Variants in SEC14L1 observed in about 807,000 individuals in gnomAD.
SEC14L1 encodes the protein SEC14-like protein 1.
A neutral mutation model predicts 85.3 loss-of-function variants in SEC14L1; 48 were observed. The ratio of observed to expected loss-of-function variants is 0.56; its 90% confidence interval spans 0.45 to 0.72. The LOEUF (loss-of-function observed/expected upper bound fraction) is 0.72, where lower values mean the gene tolerates loss of function less well. Ranked by LOEUF, SEC14L1 falls within the 30% of genes least tolerant of loss-of-function variation. SEC14L1 has a pLI of 0.00. For missense variants in SEC14L1, 682 were observed against 921.4 expected (o/e 0.74, Z 3.36); for synonymous variants, 391 against 355.5 (o/e 1.10, Z -1.12).
At chr17:77,149,092 C>T (rs187289084) in intron 3 of SEC14L1, among the ~76,000 whole-genome samples, 64 of 152,288 alleles carry the variant, frequency 4.2e-4, no homozygotes, top group Admixed American at 1.6e-3. Flanking sequence ...TCCTTCCACA[C>T]GTCCCCGATG....
chr17:77,092,951 CAAAAAAAAAAAA>C (rs35244244), intron 2 of SEC14L1, among the ~76,000 whole-genome samples: 2 of 84,448 alleles, frequency 2.4e-5, no homozygotes, highest in African/African-American at 4.6e-5. Flanking sequence ...AACTCCGTCT[CAAAAAAAAAAAA>C]AAAAAAAAAA....
intron 3 of SEC14L1, among the ~76,000 whole-genome samples, chr17:77,159,155 C>T (rs1217216868): frequency 3.2e-3 from 16 of 4,948 alleles, no homozygotes; most frequent in African/African-American, 6.1e-3. Flanking sequence ...CAGCCTCCAC[C>T]TCCTGGGTCA....
At position 77,215,340 on chromosome 17, in the gene SEC14L1, G is replaced by A. The variant is rs1399843401; in HGVS notation, c.*1317G>A. 2 of 985,272 alleles carry A rather than the reference G, an allele frequency of 2.0e-6. No individual in the cohort carries two copies. The highest frequency in any genetic ancestry group is 2.4e-6 in the Non-Finnish European group (2 of 829,940). 61.0% of individuals were successfully genotyped at this position (985,272 alleles called of 1,614,324 possible). A position where few individuals can be genotyped will look rare whatever the true frequency, so the allele number is the denominator to read the frequency against. On this transcript the variant is annotated 3_prime_UTR_variant, in exon 17 of 17. Coordinates refer to ENST00000436233, the MANE Select transcript of SEC14L1 (RefSeq NM_001143998.2). Reference sequence around the variant, plus strand: ...CATAGGGGATGGCCTCCACGATAAGGACATGCAACACGTGTTTCTGTGTGC... The same window carrying A: ...CATAGGGGATGGCCTCCACGATAAGAACATGCAACACGTGTTTCTGTGTGC...
intron 4 of SEC14L1, 81 bp downstream of exon 4, chr17:77,191,033 G>A: frequency 6.4e-7 from 1 of 1,570,084 alleles, no homozygotes; most frequent in Non-Finnish European, 8.7e-7. Context: ...GCGTCCTGGA[G>A]GGAGAGGGCA....
At position 77,190,937 on chromosome 17, in the gene SEC14L1, C is replaced by T. The variant is rs1049419; in HGVS notation, c.198C>T (p.Pro66=). Residue 66 remains proline, a synonymous_variant, in exon 4 of 17, where the codon CCC becomes CCT. Transcript: ENST00000436233. ...GCTGCAAGCTGGATGTAGATGCACC[C>T]AGACTGCTGAAGAAGGTAAAGGTCG... ...ERRCKLDVDA[P]RLLKKIAGVD... The T allele has an allele frequency of 1.9e-6, 3 of 1,613,990 alleles. No individual in the cohort carries two copies. Among genetic ancestry groups the T allele is most frequent in the Non-Finnish European group, 2.5e-6 (3 of 1,180,040 alleles).
intron 3 of SEC14L1, among the ~76,000 whole-genome samples, chr17:77,113,341 A>G (rs535081368): frequency 6.6e-6 from 1 of 152,304 alleles, no homozygotes; most frequent in Non-Finnish European, 1.5e-5. Context: ...ACCTTGGCCC[A>G]CAGAACCTCA....
chr17:77,208,789 A>G (rs970087630), intron 13 of SEC14L1, among the ~76,000 whole-genome samples: 6 of 152,244 alleles, frequency 3.9e-5, no homozygotes, highest in Admixed American at 3.9e-4. Context: ...CATTGTGTCA[A>G]GGTCAATTAG....
intron 3 of SEC14L1, among the ~76,000 whole-genome samples, chr17:77,133,340 G>A (rs1439333554): frequency 1.3e-5 from 2 of 152,200 alleles, no homozygotes; most frequent in African/African-American, 4.8e-5. Context: ...TAATCCTGCC[G>A]GGGGCGGGAA....
chr17:77,147,966 A>C (rs906407448), intron 3 of SEC14L1, among the ~76,000 whole-genome samples: 1 of 152,196 alleles, frequency 6.6e-6, no homozygotes, highest in African/African-American at 2.4e-5. Context: ...ATTGTGCCTT[A>C]AAGGGTTTAA....
intron 3 of SEC14L1, among the ~76,000 whole-genome samples, chr17:77,129,383 T>C (rs548157656): frequency 1.8e-4 from 27 of 152,248 alleles, no homozygotes; most frequent in Non-Finnish European, 3.4e-4. Context: ...CCTGCCAACG[T>C]GGGGAAGGGT....
upstream of SEC14L1, among the ~76,000 whole-genome samples, chr17:77,136,568 C>T (rs1305488059): frequency 6.6e-6 from 1 of 152,216 alleles, no homozygotes; most frequent in African/African-American, 2.4e-5. Flanking sequence ...ATTTCCCAGC[C>T]TTCTTTGCTC....
rs775144695 is a variant in SEC14L1 at position 77,206,815 on chromosome 17, T to C, written c.1429T>C (p.Tyr477His). ...DYQGPGGLLDYIDKEIIPDFL... is the reference protein window; with the variant it reads ...DYQGPGGLLDHIDKEIIPDFL... ...CCAGGGTCCTGGAGGCCTGCTGGAT[T>C]ACATCGACAAAGAGATTATTCCAGA... Residue 477 changes from tyrosine to histidine, a missense_variant, in exon 13 of 17, where the codon TAC becomes CAC. Transcript: ENST00000436233. This position sits in a 1 kb window ranked among gnomAD's most constrained non-coding sequence, Gnocchi z 4.3. The C allele has an allele frequency of 6.2e-7, 1 of 1,611,982 alleles. No homozygotes were observed. The highest frequency in any genetic ancestry group is 8.5e-7 in the Non-Finnish European group (1 of 1,179,514).
intron 3 of SEC14L1, among the ~76,000 whole-genome samples, chr17:77,109,365 A>G (rs1971997777): frequency 6.6e-6 from 1 of 152,082 alleles, no homozygotes; most frequent in Non-Finnish European, 1.5e-5. Flanking sequence ...GGGCCTCCCA[A>G]AGTGCTGGGA....
chr17:77,205,759 A>C (rs1414545082), intron 11 of SEC14L1, among the ~76,000 whole-genome samples: 1 of 152,204 alleles, frequency 6.6e-6, no homozygotes, highest in African/African-American at 2.4e-5. Context: ...AAGTTCCATG[A>C]GAACAGGGTT....
intron 3 of SEC14L1, among the ~76,000 whole-genome samples, chr17:77,186,574 A>G (rs1293078158): frequency 6.6e-6 from 1 of 152,204 alleles, no homozygotes; most frequent in African/African-American, 2.4e-5. Context: ...GGAGTGTAGC[A>G]TGTGCTTTTC....
Position 77,107,347 on chromosome 17 carries a change from G to C in SEC14L1, c.-136+14000G>C, listed in dbSNP as rs188725448. On this transcript the variant is annotated intron_variant, in intron 3 of 19. Coordinates refer to the SEC14L1 transcript ENST00000392476. Reference sequence around the variant, plus strand: ...AAGACAGGGATGGAGGCTCAGGGACGATCACTTGCCAAGGTCACACAGCTA... The same window carrying C: ...AAGACAGGGATGGAGGCTCAGGGACCATCACTTGCCAAGGTCACACAGCTA... Among the ~76,000 whole-genome samples, 22 of 152,248 alleles carry C rather than the reference G, an allele frequency of 1.4e-4. No individual in the cohort carries two copies. In the East Asian group the frequency reaches 3.5e-3, roughly 24 times the overall value.
At position 77,217,100 on chromosome 17, in the gene SEC14L1, A is replaced by G. The variant is rs1977139680; in HGVS notation, c.*3077A>G. The G allele has an allele frequency of 6.5e-6, 1 of 153,242 alleles. No individual in the cohort carries two copies. The highest frequency in any genetic ancestry group is 6.5e-5 in the Admixed American group (1 of 15,380). 9.5% of individuals were successfully genotyped at this position (153,242 alleles called of 1,614,324 possible). ...TAATAAATGTGAACTATTTAAAGAA[A>G]AGAATGTCTTTTTCTTATTGTGAAA... On this transcript the variant is annotated 3_prime_UTR_variant, in exon 17 of 17. Coordinates refer to ENST00000436233, the MANE Select transcript of SEC14L1 (RefSeq NM_001143998.2).
chr17:77,170,792 T>G (rs1449352234), intron 3 of SEC14L1, among the ~76,000 whole-genome samples: 1 of 152,226 alleles, frequency 6.6e-6, no homozygotes, highest in Non-Finnish European at 1.5e-5. Flanking sequence ...CCTTGGTGTA[T>G]GATATTCCCA....
rs1430108761 is a variant in SEC14L1 at position 77,216,543 on chromosome 17, T to C, written c.*2520T>C. 13 of 1,613,186 alleles carry C rather than the reference T, an allele frequency of 8.1e-6. No homozygotes were observed. The highest frequency in any genetic ancestry group is 1.1e-5 in the Non-Finnish European group (13 of 1,179,460). On this transcript the variant is annotated 3_prime_UTR_variant, in exon 17 of 17. Transcript: ENST00000436233. The stretch of plus-strand genomic sequence containing the variant: ...TGCTTTCTCTTTCTCTTTCTCTGTG[T>C]CTCAGATGGCGATTTTGCTGACAGC...
Sources: allele counts gnomAD v4.1 joint callset (sites outside exome capture counted in the v4.1 genomes callset), GRCh38; gene constraint gnomAD v4.1.1; non-coding constraint Gnocchi (gnomAD v3.1); transcripts MANE v1.5; gene names NCBI Gene and HGNC (gene_info 2026-07-23, HGNC 2026-07-21).